The following DNAH14 variants were observed in gnomAD, a reference collection of about 807,000 sequenced individuals.
DNAH14 encodes dynein axonemal heavy chain 14.
In DNAH14, 478 loss-of-function variants were observed where a neutral mutation model predicts 520.9. The observed-to-expected ratio is 0.92, with a 90% confidence interval of 0.85 to 0.99. The LOEUF (loss-of-function observed/expected upper bound fraction) is 0.99, where lower values mean the gene tolerates loss of function less well. Among genes scored for constraint, DNAH14 ranks in the 50% least tolerant of loss-of-function variants. DNAH14 has a pLI of 0.00. For missense variants in DNAH14, 4,831 were observed against 5,234.5 expected (o/e 0.92, Z 2.38); for synonymous variants, 1,581 against 1,757.2 (o/e 0.90, Z 2.51).
At chr1:225,003,970 G>A (rs2063967099) in intron 9 of DNAH14, among the ~76,000 whole-genome samples, 1 of 152,072 alleles carries the variant, frequency 6.6e-6, no homozygotes, top group African/African-American at 2.4e-5. Context: ...TGAAGTCTGT[G>A]CCTTAAATGC....
rs191515597 is a variant in DNAH14, at chr1:225,104,800, C to T, written c.3867+3916C>T. ...TTTTCTTCTCTATTAGTCTTGCTAG[C>T]GGTCTATCAATTTTGTTGATCTTTT... On this transcript the variant is annotated intron_variant, in intron 23 of 85. Coordinates refer to ENST00000682510, the MANE Select transcript of DNAH14 (RefSeq NM_001367479.1). Among the ~76,000 whole-genome samples the T allele has an allele frequency of 5.3e-3, 798 of 151,976 alleles. 6 individuals are homozygous for T. The highest frequency in any genetic ancestry group is 0.018 in the African/African-American group (726 of 41,454).
intron 54 of DNAH14, among the ~76,000 whole-genome samples, chr1:225,284,594 G>A (rs760850967): frequency 5.9e-5 from 9 of 151,954 alleles, no homozygotes; most frequent in African/African-American, 1.2e-4. Flanking sequence ...TTCACAAACC[G>A]TCCCAGAAAA....
chr1:225,137,042 G>A lies in DNAH14; in HGVS notation c.4255-3726G>A, dbSNP rs148683288. Among the ~76,000 whole-genome samples, 23 of 152,244 alleles carry A rather than the reference G, an allele frequency of 1.5e-4. No individual in the cohort carries two copies. In the East Asian group the frequency reaches 2.5e-3, roughly 17 times the overall value. ...TCTAAATTGGCTGTTCTGGCTATCA[G>A]CTCCTGCATTGTGTTGTTATGATTC... is the stretch of plus-strand genomic sequence containing the variant. On this transcript the variant is annotated intron_variant, in intron 27 of 85. Transcript: ENST00000682510.
In DNAH14 at chr1:225,399,223, G is replaced by A; in HGVS notation, c.13808G>A (p.Trp4603Ter). The change falls in exon 86 of 86, where the codon TGG becomes TAG. Residue 4603 changes from tryptophan (W) to a stop codon, truncating the protein, a stop_gained. Transcript: ENST00000682510. LOFTEE classifies it high-confidence loss of function. Reference protein sequence around the residue: ...YLSTKKPPSHWITMRVALLCE... With the variant: ...YLSTKKPPSH ...TCAACGAAGAAACCTCCTAGTCACT[G>A]GATCACAATGCGGGTTGCATTGCTT... The A allele has an allele frequency of 6.4e-7, 1 of 1,551,622 alleles. No homozygotes were observed. The highest frequency in any genetic ancestry group is 2.4e-5 in the East Asian group (1 of 40,914).
chr1:225,157,349 A>G (rs549605959), intron 34 of DNAH14, among the ~76,000 whole-genome samples: 1 of 152,330 alleles, frequency 6.6e-6, no homozygotes, highest in South Asian at 2.1e-4. Context: ...AAAAAGTGGT[A>G]TGATGAAGAC....
In DNAH14 at chr1:225,339,023, G is replaced by A. The variant is rs149719816; in HGVS notation, c.10433+841G>A. 3.4e-3 allele frequency among the ~76,000 whole-genome samples: 519 copies of A among 152,128 alleles called. 1 individual carries two copies. The highest frequency in any genetic ancestry group is 5.3e-3 in the Non-Finnish European group (362 of 68,012). On this transcript the variant is annotated intron_variant, in intron 68 of 85. Coordinates refer to ENST00000682510, the MANE Select transcript of DNAH14 (RefSeq NM_001367479.1). The stretch of plus-strand genomic sequence containing the variant: ...AGAATTCTCTCTTCTGTGGCCGGGC[G>A]TGGTGGCGCACGCCTGTAATCCCAG...
chr1:224,948,352 C>G (rs1006725472), intron 1 of DNAH14, among the ~76,000 whole-genome samples: 6 of 151,410 alleles, frequency 4.0e-5, no homozygotes, highest in African/African-American at 1.5e-4. Flanking sequence ...GTGACTCTTT[C>G]TGCTTGAGTA....
At chr1:224,987,866 T>C (rs1327366334) in intron 8 of DNAH14, among the ~76,000 whole-genome samples, 1 of 152,152 alleles carries the variant, frequency 6.6e-6, no homozygotes, top group African/African-American at 2.4e-5. Context: ...GACCTCATGA[T>C]CCACCTCCCT....
chr1:225,075,533 T>C (rs2072157512), intron 17 of DNAH14, among the ~76,000 whole-genome samples: 1 of 152,214 alleles, frequency 6.6e-6, no homozygotes, highest in African/African-American at 2.4e-5. Context: ...GAGTTGTTCC[T>C]GTGTAATCTT....
Position 225,399,252 on chromosome 1 carries a change from G to C in DNAH14, c.13837G>C (p.Glu4613Gln), listed in dbSNP as rs1175274288. 3 of 1,550,838 alleles carry C rather than the reference G, an allele frequency of 1.9e-6. No homozygotes were observed. Among genetic ancestry groups the C allele is most frequent in the African/African-American group, 2.7e-5 (2 of 72,954 alleles). ...WITMRVALLCEKNEK is the reference protein window; with the variant it reads ...WITMRVALLCQKNEK ...CACAATGCGGGTTGCATTGCTTTGT[G>C]AGAAGAATGAAAAATAAATGTCCAT... The change falls in exon 86 of 86, where the codon GAG becomes CAG. Residue 4613 changes from glutamate (E) to glutamine (Q), a missense_variant. Glu to Gln is a conservative substitution (Grantham distance 29). Coordinates refer to ENST00000682510, the MANE Select transcript of DNAH14 (RefSeq NM_001367479.1).
chr1:225,100,638 G>C, intron 22 of DNAH14, 75 bp from the exon 23 acceptor site: 2 of 1,084,652 alleles, frequency 1.8e-6, no homozygotes, highest in Non-Finnish European at 2.5e-6. Context: ...GTATTCCGTG[G>C]CAATGCATTA....
intron 71 of DNAH14, among the ~76,000 whole-genome samples, chr1:225,351,169 C>G (rs1434048113): frequency 6.6e-6 from 1 of 151,724 alleles, no homozygotes. Flanking sequence ...TTTGGGAGGT[C>G]AAGATTGGGG....
intron 69 of DNAH14, 23 bp from the exon 70 acceptor site, chr1:225,345,939 C>T: frequency 6.6e-7 from 1 of 1,521,178 alleles, no homozygotes; most frequent in Non-Finnish European, 8.9e-7. Context: ...CTTTATTTAA[C>T]TTCACTTTTT....
At chr1:225,342,892 C>G (rs1357504448) in intron 69 of DNAH14, among the ~76,000 whole-genome samples, 5 of 151,394 alleles carry the variant, frequency 3.3e-5, no homozygotes, top group Non-Finnish European at 4.4e-5. Context: ...TGCCCCTCCT[C>G]TTGGCCGGCG....
intron 22 of DNAH14, 60 bp downstream of exon 22, chr1:225,097,299 C>T (rs1252241273): frequency 2.8e-6 from 4 of 1,427,806 alleles, no homozygotes; most frequent in Non-Finnish European, 3.7e-6. Flanking sequence ...AATTTATTTT[C>T]TTTAATTCTT....
intron 77 of DNAH14, 136 bp from the exon 78 acceptor site, chr1:225,374,552 C>A: frequency 1.2e-6 from 1 of 808,148 alleles, no homozygotes; most frequent in Non-Finnish European, 1.8e-6. Flanking sequence ...TGAGCCACTG[C>A]ACCTGGCCTA....
chr1:225,002,962 G>A, intron 9 of DNAH14, 35 bp downstream of exon 9: 1 of 1,431,504 alleles, frequency 7.0e-7, no homozygotes, highest in Non-Finnish European at 9.2e-7. Flanking sequence ...GCTAATATTG[G>A]TATATAGAAA....
At chr1:225,052,328 G>T (rs947670470) in intron 17 of DNAH14, among the ~76,000 whole-genome samples, 2 of 152,064 alleles carry the variant, frequency 1.3e-5, no homozygotes, top group Non-Finnish European at 2.9e-5. Context: ...GAAGATCTGG[G>T]AGCAAGATAA....
chr1:224,968,782 A>G lies in DNAH14; in HGVS notation c.675A>G (p.Val225=), dbSNP rs1051871836. The G allele has an allele frequency of 3.3e-6, 5 of 1,524,368 alleles. No individual in the cohort carries two copies. In the Admixed American group the frequency reaches 1.1e-4, roughly 33 times the overall value. 94.4% of individuals were successfully genotyped at this position (1,524,368 alleles called of 1,614,324 possible). A position where few individuals can be genotyped will look rare whatever the true frequency, so the allele number is the denominator to read the frequency against. Reference sequence around the variant, plus strand: ...AGGTTATTAATATAGTTGGTAGTGTAAAGGAAGTAGAACTCATACCTACTT... The same window carrying G: ...AGGTTATTAATATAGTTGGTAGTGTGAAGGAAGTAGAACTCATACCTACTT... ...ISKVINIVGS[V]KEVELIPTLE... is the part of the protein sequence containing the mutation. Residue 225 remains valine (V), a synonymous_variant, in exon 7 of 86, where the codon GTA becomes GTG. Coordinates refer to ENST00000682510, the MANE Select transcript of DNAH14 (RefSeq NM_001367479.1).
Sources: allele counts gnomAD v4.1 joint callset (sites outside exome capture counted in the v4.1 genomes callset), GRCh38; gene constraint gnomAD v4.1.1; transcripts MANE v1.5; gene names NCBI Gene and HGNC (gene_info 2026-07-23, HGNC 2026-07-21).